The following ASAP1 variants were observed in gnomAD, a reference collection of about 807,000 sequenced individuals.
The protein encoded by ASAP1 is arf-GAP with SH3 domain, ANK repeat and PH domain-containing protein 1.
In ASAP1, 43 loss-of-function variants were observed where a neutral mutation model predicts 145.2. That is an observed-to-expected ratio of 0.30 (90% CI 0.23 to 0.38). ASAP1 has a LOEUF of 0.38. ASAP1 is among the 10% of genes least tolerant of loss of function. The pLI is 1.00. For missense variants in ASAP1, 1,018 were observed against 1,355.3 expected, an observed-to-expected ratio of 0.75 and a Z score of 3.91; for synonymous variants, 546 against 515.5, an observed-to-expected ratio of 1.06 and a Z score of -0.80.
chr8:130,146,357 A>G (rs1234124073), intron 13 of ASAP1, among the ~76,000 whole-genome samples: 1 of 152,146 alleles, frequency 6.6e-6, no homozygotes, highest in East Asian at 1.9e-4. Flanking sequence ...TGTATATGCT[A>G]AGGACCAACA....
intron 2 of ASAP1, among the ~76,000 whole-genome samples, chr8:130,397,477 C>G (rs72724496): frequency 6.6e-6 from 1 of 152,134 alleles, no homozygotes; most frequent in Admixed American, 6.5e-5. Flanking sequence ...CCTGTATACA[C>G]GTCTTCATAA....
chr8:130,253,190 C>T (rs1325366765), intron 3 of ASAP1, among the ~76,000 whole-genome samples: 5 of 152,168 alleles, frequency 3.3e-5, no homozygotes, highest in East Asian at 3.9e-4. Context: ...AGAGCCAAAC[C>T]GCCTGTGGTC....
intron 27 of ASAP1, among the ~76,000 whole-genome samples, chr8:130,072,824 T>TGCGCGCGCGCGCGCGCACGC (rs71303498): frequency 6.2e-5 from 2 of 32,310 alleles, no homozygotes; most frequent in Non-Finnish European, 1.1e-4. Flanking sequence ...TGTGTGTGTG[T>TGCGCGCGCGCGCGCGCACGC]GCGCGCGGGG....
chr8:130,148,268 TG>T (rs2097637629), intron 13 of ASAP1, among the ~76,000 whole-genome samples: 1 of 152,242 alleles, frequency 6.6e-6, no homozygotes, highest in African/African-American at 2.4e-5. Context: ...GCTTTAAGGC[TG>T]GAAAACTGGT....
intron 2 of ASAP1, among the ~76,000 whole-genome samples, chr8:130,387,842 CT>C (rs1489431911): frequency 2.0e-5 from 3 of 152,014 alleles, no homozygotes; most frequent in African/African-American, 4.8e-5. Context: ...TACTGAACAT[CT>C]ATGTACCAGA....
intron 4 of ASAP1, among the ~76,000 whole-genome samples, chr8:130,236,137 C>G (rs1565120785): frequency 1.3e-5 from 2 of 152,120 alleles, no homozygotes; most frequent in East Asian, 3.9e-4. Flanking sequence ...AGTCTGCTGC[C>G]TTCCCTTCCA....
At chr8:130,346,563 G>A (rs1825714555) in intron 3 of ASAP1, among the ~76,000 whole-genome samples, 1 of 152,200 alleles carries the variant, frequency 6.6e-6, no homozygotes. Flanking sequence ...CCACAGGGCT[G>A]TTGGGAGGAT....
At chr8:130,262,710 C>T (rs867448014) in intron 3 of ASAP1, among the ~76,000 whole-genome samples, 15 of 152,018 alleles carry the variant, frequency 9.9e-5, no homozygotes, top group Non-Finnish European at 1.3e-4. Flanking sequence ...ATTGAAAATT[C>T]CCCCCAAAAG....
At chr8:130,183,372 G>A (rs1814500623) in intron 7 of ASAP1, among the ~76,000 whole-genome samples, 1 of 151,818 alleles carries the variant, frequency 6.6e-6, no homozygotes, top group Non-Finnish European at 1.5e-5. Flanking sequence ...ACAAAGTCTC[G>A]CTTTCTTGCC....
chr8:130,390,196 A>C (rs559935554), intron 2 of ASAP1, among the ~76,000 whole-genome samples: 210 of 152,344 alleles, frequency 1.4e-3, no homozygotes, highest in Non-Finnish European at 2.6e-3. Flanking sequence ...CACAGTAGCC[A>C]CTACCTATAG....
At chr8:130,243,159 C>T (rs984468435) in intron 3 of ASAP1, among the ~76,000 whole-genome samples, 6 of 152,102 alleles carry the variant, frequency 3.9e-5, no homozygotes, top group Non-Finnish European at 7.4e-5. Context: ...AAACCCTTTG[C>T]TAGAAGAAAT....
At chr8:130,284,121 T>C (rs1411478337) in intron 3 of ASAP1, among the ~76,000 whole-genome samples, 1 of 152,226 alleles carries the variant, frequency 6.6e-6, no homozygotes, top group East Asian at 1.9e-4. Context: ...ACAAAACCCA[T>C]CCCTGAGAAG....
At chr8:130,148,410 G>A (rs1158072696) in intron 13 of ASAP1, among the ~76,000 whole-genome samples, 4 of 152,204 alleles carry the variant, frequency 2.6e-5, no homozygotes, top group African/African-American at 4.8e-5. Flanking sequence ...GTTAGGTACT[G>A]AAAATTCAAA....
At chr8:130,087,697 G>C (rs1005673708) in intron 25 of ASAP1, among the ~76,000 whole-genome samples, 1 of 152,136 alleles carries the variant, frequency 6.6e-6, no homozygotes. Context: ...ATTGGGACAG[G>C]AGGCCTCGAG....
chr8:130,153,138 G>A (rs914736999), intron 12 of ASAP1, among the ~76,000 whole-genome samples: 1 of 151,098 alleles, frequency 6.6e-6, no homozygotes, highest in Admixed American at 6.6e-5. Context: ...TCCTGCCTCA[G>A]CCTCCCGAGC....
intron 9 of ASAP1, chr8:130,179,044 G>A (rs1046963004): frequency 2.4e-6 from 1 of 420,474 alleles, no homozygotes; most frequent in African/African-American, 2.1e-5. Context: ...TTGTCTTCTT[G>A]TAAGGAAGAC....
chr8:130,426,170 G>A (rs1383794138), intron 1 of ASAP1, among the ~76,000 whole-genome samples: 1 of 151,960 alleles, frequency 6.6e-6, no homozygotes, highest in Non-Finnish European at 1.5e-5. Context: ...CCCGAGATCC[G>A]CTTGTTTAAA....
At chr8:130,420,280 A>AC (rs1491514252) in intron 1 of ASAP1, among the ~76,000 whole-genome samples, 1 of 142,818 alleles carries the variant, frequency 7.0e-6, no homozygotes, top group East Asian at 2.1e-4. Flanking sequence ...ACACACACAC[A>AC]ATAGCAATAA....
intron 3 of ASAP1, among the ~76,000 whole-genome samples, chr8:130,312,482 T>TA (rs970811461): frequency 1.3e-5 from 2 of 151,684 alleles, no homozygotes; most frequent in Admixed American, 1.3e-4. Flanking sequence ...ATTCTGGTTT[T>TA]AAAAAAAATA....
Sources: gnomAD v4.1 joint callset for allele counts (sites outside exome capture counted in the v4.1 genomes callset) on GRCh38, gnomAD v4.1.1 for gene constraint, MANE v1.5 for transcripts, NCBI Gene and HGNC (gene_info 2026-07-23, HGNC 2026-07-21) for gene names.